NRG1: variants seen among roughly 807,000 people sequenced by gnomAD.
NRG1 encodes neuregulin 1, also known as pro-neuregulin-1, membrane-bound isoform.
In NRG1, 18 loss-of-function variants were observed where a neutral mutation model predicts 63.8. That is an observed-to-expected ratio of 0.28 (90% CI 0.19 to 0.42). The LOEUF (loss-of-function observed/expected upper bound fraction) is 0.42, where lower values mean the gene tolerates loss of function less well. Among genes scored for constraint, NRG1 ranks in the 10% least tolerant of loss-of-function variants. The probability of loss-of-function intolerance (pLI) is 1.00; values close to 1 mark genes in which losing one functional copy is unlikely to be tolerated. For synonymous variants in NRG1, 302 were observed against 301.3 expected (o/e 1.00, Z -0.02); for missense variants, 762 against 814.7 (o/e 0.94, Z 0.79).
chr8:32,494,093 T>C (rs570457052), intron 1 of NRG1, among the ~76,000 whole-genome samples: 1 of 152,330 alleles, frequency 6.6e-6, no homozygotes, highest in African/African-American at 2.4e-5. Context: ...GCTTTTACAA[T>C]AATAAAACAC....
chr8:32,445,794 G>A (rs2129487738), intron 1 of NRG1, among the ~76,000 whole-genome samples: 2 of 152,128 alleles, frequency 1.3e-5, no homozygotes, highest in South Asian at 4.2e-4. Flanking sequence ...TCAGAAGTGA[G>A]GGTGTTTCAT....
chr8:31,787,809 C>T (rs10104297), intron 1 of NRG1, among the ~76,000 whole-genome samples: 112,853 of 152,030 alleles, frequency 0.74, 42,427 homozygotes, highest in East Asian at 0.99. Context: ...GAATTTCATG[C>T]GGTTTTACAG....
intron 1 of NRG1, among the ~76,000 whole-genome samples, chr8:32,233,536 A>AATATATATATATATATATATAT (rs71541806): frequency 1.1e-4 from 10 of 88,108 alleles, no homozygotes; most frequent in African/African-American, 3.9e-4. Context: ...AACTCGAAAG[A>AATATATATATATATATATATAT]ATATATATAT....
chr8:32,425,738 T>A (rs1817275374), intron 1 of NRG1, among the ~76,000 whole-genome samples: 1 of 152,126 alleles, frequency 6.6e-6, no homozygotes, highest in Non-Finnish European at 1.5e-5. Context: ...ATTGACTAGG[T>A]AGTAATTGGT....
chr8:32,006,035 C>T (rs990407712), intron 1 of NRG1, among the ~76,000 whole-genome samples: 1 of 151,946 alleles, frequency 6.6e-6, no homozygotes, highest in African/African-American at 2.4e-5. Flanking sequence ...ACTCTGGAAA[C>T]ATGGACAAAG....
chr8:31,891,764 G>A (rs531566226), intron 1 of NRG1, among the ~76,000 whole-genome samples: 34 of 152,194 alleles, frequency 2.2e-4, no homozygotes, highest in African/African-American at 7.5e-4. Context: ...ATGGGTGCAT[G>A]GTTAAACACA....
chr8:32,369,682 T>C (rs1419113535), intron 1 of NRG1, among the ~76,000 whole-genome samples: 1 of 152,212 alleles, frequency 6.6e-6, no homozygotes, highest in Non-Finnish European at 1.5e-5. Context: ...TGCCAGATTT[T>C]CAAATTTCAA....
chr8:32,616,838 C>T (rs1847463506), exon 5 of NRG1: 1 of 1,601,610 alleles, frequency 6.2e-7, no homozygotes, highest in African/African-American at 1.3e-5. Flanking sequence ...TTTATAGAGT[C>T]TCCCATTAGA....
At chr8:32,174,290 A>G (rs1251138461) in intron 1 of NRG1, among the ~76,000 whole-genome samples, 1 of 152,196 alleles carries the variant, frequency 6.6e-6, no homozygotes, top group Non-Finnish European at 1.5e-5. Context: ...ACCAACGAGA[A>G]CAAAGACACA....
chr8:32,067,943 G>C (rs565494837), intron 1 of NRG1, among the ~76,000 whole-genome samples: 2 of 152,168 alleles, frequency 1.3e-5, no homozygotes, highest in Non-Finnish European at 1.5e-5. Context: ...AACTTTGGCT[G>C]TTAGCATCCT....
At chr8:31,867,575 C>G (rs1829075571) in intron 1 of NRG1, among the ~76,000 whole-genome samples, 1 of 117,176 alleles carries the variant, frequency 8.5e-6, no homozygotes, top group African/African-American at 3.2e-5. Flanking sequence ...GTATATAATT[C>G]CTTTGTACTT....
chr8:31,786,257 C>G (rs1271875776), intron 1 of NRG1, among the ~76,000 whole-genome samples: 4 of 152,060 alleles, frequency 2.6e-5, no homozygotes, highest in African/African-American at 9.7e-5. Flanking sequence ...TGGCTTAGGC[C>G]CTGGCTTGAT....
chr8:32,671,774 A>G, intron 5 of NRG1, among the ~76,000 whole-genome samples: 1 of 152,212 alleles, frequency 6.6e-6, no homozygotes, highest in East Asian at 1.9e-4. Flanking sequence ...AATAAGCTTA[A>G]TGTGCTTTCA....
chr8:31,883,653 G>A (rs1365081899), intron 1 of NRG1, among the ~76,000 whole-genome samples: 1 of 152,094 alleles, frequency 6.6e-6, no homozygotes, highest in Non-Finnish European at 1.5e-5. Flanking sequence ...TAGTAAGGGA[G>A]GTGGGTTAAT....
At chr8:32,039,765 T>G (rs1464811069) in intron 1 of NRG1, among the ~76,000 whole-genome samples, 1 of 152,150 alleles carries the variant, frequency 6.6e-6, no homozygotes, top group Non-Finnish European at 1.5e-5. Flanking sequence ...ATGCCTGTTA[T>G]TCCAGTGCTT....
At position 31,827,474 on chromosome 8, in the gene NRG1, G is replaced by A. The variant is rs545386799; in HGVS notation, c.37+188043G>A. On this transcript the variant is annotated intron_variant, in intron 1 of 10. Coordinates refer to the NRG1 transcript ENST00000519301. Reference sequence around the variant, plus strand: ...TGGAGTTTGGAATGAATTCTAATGAGTGAATAATAGGAAGATTTTGCATAC... The same window carrying A: ...TGGAGTTTGGAATGAATTCTAATGAATGAATAATAGGAAGATTTTGCATAC... Among the ~76,000 whole-genome samples, 89 of 152,150 alleles carry A rather than the reference G, an allele frequency of 5.8e-4. No homozygotes were observed. The South Asian group carries it at 0.018, about 31-fold the overall frequency.
intron 1 of NRG1, among the ~76,000 whole-genome samples, chr8:32,071,205 TG>T (rs1485546008): frequency 6.6e-6 from 1 of 152,230 alleles, no homozygotes; most frequent in East Asian, 1.9e-4. Context: ...TCTTATCTGT[TG>T]TGTGTTCACC....
intron 3 of NRG1, among the ~76,000 whole-genome samples, chr8:32,608,093 T>G (rs751407454): frequency 0.029 from 2,835 of 96,896 alleles, 48 homozygotes; most frequent in African/African-American, 0.083. Flanking sequence ...GTTTTTTTTG[T>G]TTTTTTTTTT....
chr8:32,001,894 G>A (rs969422531), intron 1 of NRG1, among the ~76,000 whole-genome samples: 4 of 152,140 alleles, frequency 2.6e-5, no homozygotes, highest in East Asian at 1.9e-4. Context: ...AGATTACTCC[G>A]CCTGAACATC....
Sources: allele counts gnomAD v4.1 joint callset (sites outside exome capture counted in the v4.1 genomes callset), GRCh38; gene constraint gnomAD v4.1.1; transcripts MANE v1.5; gene names NCBI Gene and HGNC (gene_info 2026-07-23, HGNC 2026-07-21).